Variants in USP9X observed in about 807,000 individuals in gnomAD.
USP9X encodes ubiquitin specific peptidase 9 X-linked.
A neutral mutation model predicts 190.3 loss-of-function variants in USP9X; 7 were observed. That is an observed-to-expected ratio of 0.04 (90% CI 0.02 to 0.07). USP9X has a LOEUF of 0.07. Ranked by LOEUF, USP9X falls within the 10% of genes least tolerant of loss-of-function variation. USP9X has a pLI of 1.00. For missense variants in USP9X, 1,010 were observed against 1,916.9 expected (o/e 0.53, Z 8.83); for synonymous variants, 645 against 659.5 (o/e 0.98, Z 0.34).
At chrX:41,192,804 G>C (rs1487654295) in intron 26 of USP9X, among the ~76,000 whole-genome samples, 1 of 111,354 alleles carries the variant, frequency 9.0e-6, no homozygotes, top group Non-Finnish European at 1.9e-5. Flanking sequence ...CATGCCAAAA[G>C]GGATGGGGGA....
At chrX:41,158,983 A>T (rs1453152021) in intron 14 of USP9X, among the ~76,000 whole-genome samples, 1 of 112,120 alleles carries the variant, frequency 8.9e-6, no homozygotes, top group Non-Finnish European at 1.9e-5. Context: ...CCTCATACTA[A>T]TTAATGGTAA....
At position 41,170,191 on chromosome X, in the gene USP9X, G is replaced by A. The variant is rs2147123152; in HGVS notation, c.2833G>A (p.Asp945Asn). The A allele has an allele frequency of 8.3e-7, 1 of 1,211,436 alleles. No individual in the cohort carries two copies. Among genetic ancestry groups the A allele is most frequent in the Non-Finnish European group, 1.1e-6 (1 of 895,193 alleles). Residue 945 changes from aspartate (D) to asparagine (N), a missense_variant, in exon 19 of 45, where the codon GAT (aspartate) becomes AAT (asparagine). Transcript: ENST00000378308. ...FVGGELIDPA[D>N]DRKLIGQLNL... ...GGGCGGTGAGCTGATAGATCCTGCA[G>A]ATGATAGAAAGTTGATTGGACAATT...
intron 21 of USP9X, among the ~76,000 whole-genome samples, chrX:41,177,794 T>C (rs771514189): frequency 9.0e-5 from 10 of 111,450 alleles, no homozygotes; most frequent in Admixed American, 3.8e-4. Flanking sequence ...ATATTTGTCA[T>C]ATATGATCAC....
intron 32 of USP9X, among the ~76,000 whole-genome samples, chrX:41,208,786 C>T (rs2063130670): frequency 9.1e-6 from 1 of 110,156 alleles, no homozygotes; most frequent in East Asian, 2.8e-4. Context: ...CGGCTCACTG[C>T]AAGCTCCCCT....
At position 41,232,639 on chromosome X, in the gene USP9X, A is replaced by G; in HGVS notation, c.*115A>G. The G allele has an allele frequency of 1.0e-6, 1 of 987,721 alleles. No individual in the cohort carries two copies. Among genetic ancestry groups the G allele is most frequent in the East Asian group, 3.3e-5 (1 of 30,732 alleles). The allele number at this position is 987,721 out of a possible 1,213,427, so 81.4% of individuals were successfully genotyped here. A position where few individuals can be genotyped will look rare whatever the true frequency, so the allele number is the denominator to read the frequency against. ...GAAAAACTATTCCTAATCAACATGG[A>G]GTGGAGAGTTTATTCACTGTCTTAT... On this transcript the variant is annotated 3_prime_UTR_variant, in exon 45 of 45. Transcript: ENST00000378308.
chrX:41,158,771 C>CT (rs2062602072), intron 14 of USP9X, among the ~76,000 whole-genome samples: 1 of 111,762 alleles, frequency 8.9e-6, no homozygotes, highest in Non-Finnish European at 1.9e-5. Flanking sequence ...AGCCCCGTTT[C>CT]TAACAGGCCA....
intron 1 of USP9X, among the ~76,000 whole-genome samples, chrX:41,090,468 A>G (rs1050059823): frequency 8.9e-6 from 1 of 112,434 alleles, no homozygotes; most frequent in African/African-American, 3.2e-5. Context: ...TTATTCTTCA[A>G]AGATACTCAT....
chrX:41,152,979 C>T lies in USP9X; in HGVS notation c.1795C>T (p.Arg599Cys). The T allele has an allele frequency of 1.7e-6, 2 of 1,209,396 alleles. No individual in the cohort carries two copies. Among genetic ancestry groups the T allele is most frequent in the Non-Finnish European group, 2.2e-6 (2 of 894,382 alleles). The stretch of plus-strand genomic sequence containing the variant: ...TCAGCGAAGTCCCCATGTGTTTTAT[C>T]GCCATGACTTAATCAATCAACTTCA... ...QTQRSPHVFY[R>C]HDLINQLQHN... Residue 599 changes from arginine (R) to cysteine (C), a missense_variant, in exon 14 of 45, where the codon CGC (arginine) becomes TGC (cysteine). By Grantham distance (180) the Arg-to-Cys change is radical. Around this residue, in one of 11 missense-constraint regions of USP9X, gnomAD observed 104 missense variants for 239.8 expected, o/e 0.43. Coordinates refer to ENST00000378308, the MANE Select transcript of USP9X (RefSeq NM_001039591.3).
intron 26 of USP9X, among the ~76,000 whole-genome samples, chrX:41,193,520 C>T (rs908333996): frequency 4.5e-5 from 5 of 110,334 alleles, no homozygotes; most frequent in Non-Finnish European, 5.7e-5. Flanking sequence ...AAAAATAAGC[C>T]GGGTATGGTG....
At chrX:41,222,712 T>C (rs1401397892) in intron 38 of USP9X, among the ~76,000 whole-genome samples, 1 of 110,240 alleles carries the variant, frequency 9.1e-6, no homozygotes, top group Non-Finnish European at 1.9e-5. Flanking sequence ...GGTCAAGATA[T>C]CGAGACCACC....
At chrX:41,100,129 C>T (rs768116796) in intron 1 of USP9X, among the ~76,000 whole-genome samples, 2 of 111,622 alleles carry the variant, frequency 1.8e-5, no homozygotes, top group African/African-American at 6.5e-5. Flanking sequence ...TTCCTTGGTG[C>T]TCATATTGTG....
intron 1 of USP9X, among the ~76,000 whole-genome samples, chrX:41,112,422 A>G (rs2062117065): frequency 1.8e-5 from 2 of 112,370 alleles, no homozygotes; most frequent in Admixed American, 1.9e-4. Context: ...GTGATCTTGT[A>G]TAAGCTCAGT....
intron 28 of USP9X, 33 bp from the exon 29 acceptor site, chrX:41,197,331 T>TGCGCC: frequency 2.1e-6 from 1 of 486,766 alleles, no homozygotes; most frequent in Non-Finnish European, 2.9e-6. Context: ...TTTGATTTCT[T>TGCGCC]CCCCCCCCCA....
At position 41,108,418 on chromosome X, in the gene USP9X, A is replaced by G. The variant is rs368439260; in HGVS notation, c.-158-15053A>G. Among the ~76,000 whole-genome samples, 7 of 111,392 alleles carry G rather than the reference A, an allele frequency of 6.3e-5. No individual in the cohort carries two copies. The East Asian group carries it at 1.4e-3, about 22-fold the overall frequency. On this transcript the variant is annotated intron_variant, in intron 1 of 44. Coordinates refer to ENST00000378308, the MANE Select transcript of USP9X (RefSeq NM_001039591.3). ...TTAAATTCTCATGCTTTCCAGGGGT[A>G]AGTAATCTTTGAGGCTGTGTCTGAG...
chrX:41,085,590 C>T lies in USP9X; in HGVS notation c.-678C>T. The T allele has an allele frequency of 3.7e-6, 1 of 272,557 alleles. No homozygotes were observed. Among genetic ancestry groups the T allele is most frequent in the Non-Finnish European group, 6.5e-6 (1 of 154,645 alleles). 22.5% of individuals were successfully genotyped at this position (272,557 alleles called of 1,213,427 possible). ...GCCCCTCCCCGCCTTACACAGCTCC[C>T]GGGCCTCGCGGGAGCCCGCCGCCGC... is the stretch of plus-strand genomic sequence containing the variant. On this transcript the variant is annotated 5_prime_UTR_variant, in exon 1 of 45. Coordinates refer to ENST00000378308, the MANE Select transcript of USP9X (RefSeq NM_001039591.3).
At chrX:41,147,416 A>T (rs1051184517) in intron 11 of USP9X, among the ~76,000 whole-genome samples, 5 of 103,762 alleles carry the variant, frequency 4.8e-5, no homozygotes, top group Admixed American at 3.2e-4. Flanking sequence ...TAATAATTCC[A>T]TTGAACTAAT....
rs1257734482 is a variant in USP9X, at chrX:41,125,734, GCT to G, written c.96+2023_96+2024del. ...CTCTCTCTCTCGCGCACGCGCGCGCGCTCTCTCTCTCTCTGTTCCTTTTGCTT... is the reference window on the plus strand; with the variant it reads ...CTCTCTCTCTCGCGCACGCGCGCGCGCTCTCTCTCTCTGTTCCTTTTGCTT... On this transcript the variant is annotated intron_variant, in intron 2 of 44. Coordinates refer to ENST00000378308, the MANE Select transcript of USP9X (RefSeq NM_001039591.3). Among the ~76,000 whole-genome samples the G allele has an allele frequency of 8.2e-4, 80 of 97,030 alleles. No individual in the cohort carries two copies. The Middle Eastern group carries it at 0.016, about 19-fold the overall frequency. The allele number at this position is 97,030 out of a possible 115,157, so 84.3% of individuals were successfully genotyped here.
chrX:41,196,435 G>T, intron 27 of USP9X, 76 bp downstream of exon 27: 1 of 1,124,425 alleles, frequency 8.9e-7, no homozygotes. Context: ...TGTGGTTTTA[G>T]CTTGCATTAA....
intron 23 of USP9X, among the ~76,000 whole-genome samples, chrX:41,185,248 TTTC>T (rs768668658): frequency 1.8e-5 from 2 of 112,498 alleles, no homozygotes; most frequent in Non-Finnish European, 3.8e-5. Context: ...GGATAAAGAT[TTTC>T]TTCTTTAGAA....
Sources: gnomAD v4.1 joint callset for allele counts (sites outside exome capture counted in the v4.1 genomes callset) on GRCh38, gnomAD v4.1.1 for gene constraint, gnomAD v4.1.1 regional missense constraint, MANE v1.5 for transcripts, NCBI Gene and HGNC (gene_info 2026-07-23, HGNC 2026-07-21) for gene names.